Variants in EPHA6 observed in about 807,000 individuals in gnomAD.
EPHA6 encodes ephrin type-A receptor 6.
Under a neutral mutation model 112.0 loss-of-function variants are expected in EPHA6, and 50 were observed. That is an observed-to-expected ratio of 0.45 (90% CI 0.36 to 0.56). The LOEUF is 0.56. Ranked by LOEUF, EPHA6 falls within the 20% of genes least tolerant of loss-of-function variation. EPHA6 has a pLI of 0.00. For synonymous variants in EPHA6, 529 were observed against 490.7 expected (o/e 1.08, Z -1.03); for missense variants, 1,280 against 1,417.4 (o/e 0.90, Z 1.56).
At chr3:96,924,778 T>C (rs1195229221) in intron 2 of EPHA6, among the ~76,000 whole-genome samples, 1 of 152,174 alleles carries the variant, frequency 6.6e-6, no homozygotes, top group Non-Finnish European at 1.5e-5. Context: ...GGGCTTGTCA[T>C]ATATGGCTCT....
intron 7 of EPHA6, among the ~76,000 whole-genome samples, chr3:97,461,160 A>C (rs1311410285): frequency 6.6e-6 from 1 of 152,146 alleles, no homozygotes; most frequent in Middle Eastern, 3.2e-3. Flanking sequence ...GAAGAAAAGG[A>C]AGAACTTATA....
At chr3:97,496,518 G>A (rs2091981354) in intron 10 of EPHA6, among the ~76,000 whole-genome samples, 1 of 152,114 alleles carries the variant, frequency 6.6e-6, no homozygotes, top group Non-Finnish European at 1.5e-5. Context: ...TATAGCTCAT[G>A]CTTTTATTAA....
chr3:96,958,073 G>A (rs1324388157), intron 2 of EPHA6, among the ~76,000 whole-genome samples: 3 of 152,010 alleles, frequency 2.0e-5, no homozygotes, highest in Non-Finnish European at 4.4e-5. Context: ...CTTTCTCCAT[G>A]CTCTACTGTT....
chr3:97,620,479 C>A (rs1022248754), intron 13 of EPHA6, among the ~76,000 whole-genome samples: 6 of 152,012 alleles, frequency 3.9e-5, no homozygotes, highest in African/African-American at 1.4e-4. Flanking sequence ...AGTAAATGGA[C>A]AACCTACAGA....
chr3:97,520,172 T>C (rs2092517143), intron 10 of EPHA6, among the ~76,000 whole-genome samples: 1 of 152,110 alleles, frequency 6.6e-6, no homozygotes, highest in Admixed American at 6.5e-5. Flanking sequence ...TTTCACTGTG[T>C]TAGCCAGGAT....
chr3:97,060,595 T>C (rs549084541), intron 3 of EPHA6, among the ~76,000 whole-genome samples: 43 of 152,224 alleles, frequency 2.8e-4, no homozygotes, highest in African/African-American at 1.0e-3. Context: ...TTAGAATGAT[T>C]CATTAATTAA....
intron 2 of EPHA6, among the ~76,000 whole-genome samples, chr3:96,984,133 T>A (rs1456251833): frequency 6.6e-6 from 1 of 152,138 alleles, no homozygotes. Flanking sequence ...GGTGCTCTGG[T>A]TTTTAGAATT....
At chr3:96,924,033 T>G (rs1448008967) in intron 2 of EPHA6, among the ~76,000 whole-genome samples, 1 of 152,180 alleles carries the variant, frequency 6.6e-6, no homozygotes, top group Non-Finnish European at 1.5e-5. Flanking sequence ...ACCATGCTGT[T>G]TTTGTTACTC....
rs1322936437 is a variant in EPHA6, at chr3:97,720,410, T to C, written c.2934T>C (p.Asp978=). ...CTTATTGGGAAATGTCTAACCAAGA[T>C]GTAAGTGCTACCGATAGTTAAACTG... ...ERPYWEMSNQ[D]VILSIEEGYR... Residue 978 remains aspartate, a splice_region_variant and synonymous_variant, in exon 15 of 18, where the codon GAT becomes GAC. Coordinates refer to ENST00000389672, the MANE Select transcript of EPHA6 (RefSeq NM_001080448.3). The C allele has an allele frequency of 5.6e-6, 9 of 1,593,704 alleles. No individual in the cohort carries two copies. Among genetic ancestry groups the C allele is most frequent in the Admixed American group, 1.8e-5 (1 of 56,116 alleles).
intron 3 of EPHA6, among the ~76,000 whole-genome samples, chr3:97,203,747 GA>G (rs1047475879): frequency 5.9e-5 from 9 of 152,096 alleles, no homozygotes; most frequent in Admixed American, 3.9e-4. Flanking sequence ...TTTATCTTTT[GA>G]AAGTCCTGTC....
intron 1 of EPHA6, among the ~76,000 whole-genome samples, chr3:96,841,238 G>A (rs914090441): frequency 1.3e-5 from 2 of 152,068 alleles, no homozygotes; most frequent in African/African-American, 4.8e-5. Context: ...ACTCTTTTAA[G>A]TTTCTGATTA....
chr3:97,638,318 G>T (rs1043099293), intron 14 of EPHA6, among the ~76,000 whole-genome samples: 2 of 151,962 alleles, frequency 1.3e-5, no homozygotes, highest in Non-Finnish European at 2.9e-5. Flanking sequence ...ATTGTCCTGG[G>T]ACTTTAACAT....
intron 2 of EPHA6, among the ~76,000 whole-genome samples, chr3:96,940,833 G>A (rs1002608810): frequency 1.3e-5 from 2 of 152,062 alleles, no homozygotes; most frequent in Non-Finnish European, 2.9e-5. Context: ...GTCTGTAAAG[G>A]ATTTTATTTC....
At position 97,400,402 on chromosome 3, in the gene EPHA6, T is replaced by C. The variant is rs150081695; in HGVS notation, c.1607-4748T>C. ...CAGGCAGTGTGATGCCTCCAGCTTT[T>C]GTTTTGTTTTGTTTTTTCCTCAAAA... On this transcript the variant is annotated intron_variant, in intron 5 of 17. Coordinates refer to ENST00000389672, the MANE Select transcript of EPHA6 (RefSeq NM_001080448.3). Among the ~76,000 whole-genome samples the C allele has an allele frequency of 2.8e-3, 422 of 151,788 alleles. 7 individuals carry two copies. The East Asian group carries it at 0.047, about 17-fold the overall frequency.
At chr3:97,361,283 C>A (rs2084357372) in intron 5 of EPHA6, among the ~76,000 whole-genome samples, 1 of 152,144 alleles carries the variant, frequency 6.6e-6, no homozygotes, top group South Asian at 2.1e-4. Context: ...ATAGCATCCC[C>A]AAAGTAATCT....
intron 16 of EPHA6, chr3:97,745,227 T>C (rs756110600): frequency 1.8e-5 from 5 of 279,134 alleles, no homozygotes; most frequent in Non-Finnish European, 3.5e-5. Context: ...ACATATGAAA[T>C]TTTATTTTAC....
intron 3 of EPHA6, among the ~76,000 whole-genome samples, chr3:97,095,476 T>G (rs11915818): frequency 6.6e-6 from 1 of 151,846 alleles, no homozygotes; most frequent in Non-Finnish European, 1.5e-5. Context: ...CCTGCTTTCT[T>G]TTGTTGTGAC....
At position 97,500,168 on chromosome 3, in the gene EPHA6, C is replaced by A. The variant is rs182719668; in HGVS notation, c.2200+16109C>A. On this transcript the variant is annotated intron_variant, in intron 10 of 17. Coordinates refer to ENST00000389672, the MANE Select transcript of EPHA6 (RefSeq NM_001080448.3). ...TTAGGTCTACACAAGATCAGGATCA[C>A]AAATATTGCTGTCTTCCACCTCCAC... 3.0e-3 allele frequency among the ~76,000 whole-genome samples: 456 copies of A among 152,254 alleles called. 4 individuals are homozygous for A. The highest frequency in any genetic ancestry group is 0.011 in the African/African-American group (444 of 41,552).
chr3:97,094,399 C>A (rs1034033253), intron 3 of EPHA6, among the ~76,000 whole-genome samples: 8 of 152,104 alleles, frequency 5.3e-5, no homozygotes, highest in Non-Finnish European at 1.2e-4. Context: ...TAATCACTTT[C>A]TATTCTCATT....
Sources: allele counts gnomAD v4.1 joint callset (sites outside exome capture counted in the v4.1 genomes callset), GRCh38; gene constraint gnomAD v4.1.1; transcripts MANE v1.5; gene names NCBI Gene and HGNC (gene_info 2026-07-23, HGNC 2026-07-21).